DEPTOR: variants seen among roughly 807,000 people sequenced by gnomAD.
The protein encoded by DEPTOR is DEP domain-containing mTOR-interacting protein.
Under a neutral mutation model 41.6 loss-of-function variants are expected in DEPTOR, and 41 were observed. The ratio of observed to expected loss-of-function variants is 0.98; its 90% CI spans 0.77 to 1.28. The LOEUF is 1.28. DEPTOR is among the 50% of genes most tolerant of loss of function. The probability of loss-of-function intolerance (pLI) is 0.00; values close to 1 mark genes in which losing one functional copy is unlikely to be tolerated. For missense variants in DEPTOR, 514 were observed against 527.9 expected (o/e 0.97, Z 0.26); for synonymous variants, 195 against 192.3 (o/e 1.01, Z -0.12).
rs570069357 is a variant in DEPTOR, at chr8:119,964,577, C to A, written c.426-655C>A. Among the ~76,000 whole-genome samples the A allele has an allele frequency of 6.0e-5, 9 of 149,034 alleles. No homozygotes were observed. The South Asian group carries it at 1.9e-3, about 32-fold the overall frequency. On this transcript the variant is annotated intron_variant, in intron 3 of 8. Coordinates refer to ENST00000286234, the MANE Select transcript of DEPTOR (RefSeq NM_022783.4). ...GTGAGGACACACTCAGTTCACAGCA[C>A]TTGTCTTCTTAGCACAGAAGTGAAA... is the stretch of plus-strand genomic sequence containing the variant.
chr8:120,018,543 C>T (rs1248419796), intron 8 of DEPTOR, among the ~76,000 whole-genome samples: 3 of 152,202 alleles, frequency 2.0e-5, no homozygotes, highest in African/African-American at 2.4e-5. Context: ...CACGCCACTG[C>T]GCTCCAGCTT....
intron 4 of DEPTOR, among the ~76,000 whole-genome samples, chr8:119,988,342 C>G (rs1392741268): frequency 2.0e-5 from 3 of 152,200 alleles, no homozygotes; most frequent in Non-Finnish European, 4.4e-5. Context: ...GGGCTACACC[C>G]ACTATCTAAC....
chr8:119,900,252 G>A (rs1380223815), intron 1 of DEPTOR, among the ~76,000 whole-genome samples: 4 of 149,034 alleles, frequency 2.7e-5, no homozygotes, highest in African/African-American at 7.5e-5. Context: ...CCTGGGAGGT[G>A]GAGGTTGCAG....
intron 2 of DEPTOR, among the ~76,000 whole-genome samples, 165 bp downstream of exon 2, chr8:119,928,743 C>CTTTT (rs376801517): frequency 8.1e-4 from 104 of 127,882 alleles, no homozygotes; most frequent in East Asian, 1.8e-3. Context: ...TGGGTTCTTT[C>CTTTT]TTTTTTTTTT....
chr8:120,040,396 G>T (rs952815923), intron 8 of DEPTOR, among the ~76,000 whole-genome samples: 1 of 151,476 alleles, frequency 6.6e-6, no homozygotes, highest in African/African-American at 2.4e-5. Context: ...CTAACGTGGT[G>T]AAACCCCATC....
intron 8 of DEPTOR, among the ~76,000 whole-genome samples, chr8:120,019,550 G>GTATT (rs1812666738): frequency 6.6e-6 from 1 of 152,110 alleles, no homozygotes; most frequent in Non-Finnish European, 1.5e-5. Context: ...CCTCACGCCC[G>GTATT]TGTAACTTTT....
At chr8:120,022,361 A>G (rs889663242) in intron 8 of DEPTOR, among the ~76,000 whole-genome samples, 2 of 152,136 alleles carry the variant, frequency 1.3e-5, no homozygotes, top group African/African-American at 4.8e-5. Flanking sequence ...TTTATTCACA[A>G]CAGTAGGAAA....
chr8:119,977,417 C>T (rs538834705), intron 4 of DEPTOR, among the ~76,000 whole-genome samples: 2 of 152,064 alleles, frequency 1.3e-5, no homozygotes, highest in Admixed American at 1.3e-4. Context: ...AGAGTATTTT[C>T]TCAATCTACT....
chr8:120,039,376 A>C (rs1813024529), intron 8 of DEPTOR, among the ~76,000 whole-genome samples: 1 of 152,228 alleles, frequency 6.6e-6, no homozygotes, highest in African/African-American at 2.4e-5. Flanking sequence ...ACAGACGAAG[A>C]CATGGATGGA....
intron 4 of DEPTOR, among the ~76,000 whole-genome samples, chr8:119,986,449 T>C (rs1238873645): frequency 6.6e-6 from 1 of 152,188 alleles, no homozygotes; most frequent in African/African-American, 2.4e-5. Context: ...TCTCTCTGGC[T>C]GCCCTTAATA....
intron 4 of DEPTOR, among the ~76,000 whole-genome samples, chr8:119,999,974 G>A (rs1812323423): frequency 6.6e-6 from 1 of 152,278 alleles, no homozygotes; most frequent in African/African-American, 2.4e-5. Context: ...ATCAGTGCAT[G>A]TAAAAGCTGG....
rs538403411 is a variant in DEPTOR, at chr8:120,029,215, T to C, written c.1101+20082T>C. ...CTCTTGTTTCATGTACCATACCTAG[T>C]GAAGGTACCCATGAATGGCTTTGGT... On this transcript the variant is annotated intron_variant, in intron 8 of 8. Transcript: ENST00000286234. Among the ~76,000 whole-genome samples the C allele has an allele frequency of 2.6e-5, 4 of 152,240 alleles. No individual in the cohort carries two copies. The East Asian group carries it at 7.7e-4, about 29-fold the overall frequency.
In DEPTOR at chr8:119,890,299, G is replaced by GT. The variant is rs148002389; in HGVS notation, c.122+16333dup. Among the ~76,000 whole-genome samples the GT allele has an allele frequency of 2.0e-3, 232 of 117,428 alleles. 3 individuals carry two copies. The South Asian group carries it at 0.025, about 13-fold the overall frequency. 77.0% of individuals were successfully genotyped at this position (117,428 alleles called of 152,430 possible). A position where few individuals can be genotyped will look rare whatever the true frequency, so the allele number is the denominator to read the frequency against. On this transcript the variant is annotated intron_variant, in intron 1 of 8. Coordinates refer to ENST00000286234, the MANE Select transcript of DEPTOR (RefSeq NM_022783.4). ...AGTTTTTTTGTTTGTTTGTTTGTTT[G>GT]TTGTTGTTGTTGTTGTTGTTTGAGA...
intron 4 of DEPTOR, among the ~76,000 whole-genome samples, chr8:119,974,068 A>G (rs1828665743): frequency 6.6e-6 from 1 of 151,906 alleles, no homozygotes; most frequent in African/African-American, 2.4e-5. Context: ...GCTGGAAAGG[A>G]AAGGGGAAAA....
At chr8:120,014,289 A>T (rs1321585628) in intron 8 of DEPTOR, among the ~76,000 whole-genome samples, 4 of 152,100 alleles carry the variant, frequency 2.6e-5, no homozygotes, top group African/African-American at 9.7e-5. Flanking sequence ...AGAATTTTAT[A>T]TCCAGGGCTT....
intron 1 of DEPTOR, among the ~76,000 whole-genome samples, chr8:119,889,907 G>A (rs1045180025): frequency 1.3e-5 from 2 of 152,126 alleles, no homozygotes; most frequent in Admixed American, 6.6e-5. Context: ...AAAGTTAGAG[G>A]TGATGATAAT....
At chr8:119,954,162 G>C (rs1554675972) in intron 3 of DEPTOR, among the ~76,000 whole-genome samples, 1 of 146,870 alleles carries the variant, frequency 6.8e-6, no homozygotes, top group African/African-American at 2.5e-5. Context: ...TTTTTTTTTG[G>C]AGACAGGGTC....
At chr8:119,893,367 T>C (rs1827475135) in intron 1 of DEPTOR, among the ~76,000 whole-genome samples, 2 of 152,250 alleles carry the variant, frequency 1.3e-5, no homozygotes, top group South Asian at 4.1e-4. Context: ...TCAGCAGTTC[T>C]GGAAGAACGT....
At chr8:120,002,903 A>C in intron 5 of DEPTOR, 74 bp from the exon 6 acceptor site, 1 of 1,502,934 alleles carries the variant, frequency 6.7e-7, no homozygotes, top group Non-Finnish European at 8.9e-7. Flanking sequence ...TGGACCTTGC[A>C]GTTGAAAGCC....
Sources: gnomAD v4.1 joint callset for allele counts (sites outside exome capture counted in the v4.1 genomes callset) on GRCh38, gnomAD v4.1.1 for gene constraint, MANE v1.5 for transcripts, NCBI Gene and HGNC (gene_info 2026-07-23, HGNC 2026-07-21) for gene names.